Variants in PTPRD observed in about 807,000 individuals in gnomAD.
PTPRD encodes receptor-type tyrosine-protein phosphatase delta.
In PTPRD, 34 loss-of-function variants were observed where a neutral mutation model predicts 214.5. The observed-to-expected ratio is 0.16, with a 90% confidence interval of 0.12 to 0.21. The LOEUF is 0.21. Ranked by LOEUF, PTPRD falls within the 10% of genes least tolerant of loss-of-function variation. PTPRD has a pLI of 1.00. For missense variants in PTPRD, 2,545 were observed against 2,398.7 expected (o/e 1.06, Z -1.27); for synonymous variants, 1,128 against 845.7 (o/e 1.33, Z -5.79).
At chr9:8,946,946 G>A (rs1248499776) in intron 11 of PTPRD, among the ~76,000 whole-genome samples, 1 of 148,444 alleles carries the variant, frequency 6.7e-6, no homozygotes, top group Non-Finnish European at 1.5e-5. Context: ...GTCTGCCTCT[G>A]CATCTCTCTT....
rs1432028763 is a variant in PTPRD at position 10,364,000 on chromosome 9, T to TTTTTTG, written c.-599-22984_-599-22983insCAAAAA. ...GCCTCCACATTTTCGGGTTTTTTTT[T>TTTTTTG]TTTTTTTTTTTTTTTTTGAGATGGA... On this transcript the variant is annotated intron_variant, in intron 2 of 45. Transcript: ENST00000381196. Among the ~76,000 whole-genome samples the TTTTTTG allele has an allele frequency of 1.1e-3, 139 of 128,158 alleles. 11 individuals are homozygous for TTTTTTG. Among genetic ancestry groups the TTTTTTG allele is most frequent in the African/African-American group, 3.9e-3 (125 of 32,452 alleles). The allele number at this position is 128,158 out of a possible 152,430, so 84.1% of individuals were successfully genotyped here.
chr9:8,871,047 C>A (rs1042873976), intron 11 of PTPRD, among the ~76,000 whole-genome samples: 1 of 152,174 alleles, frequency 6.6e-6, no homozygotes, highest in African/African-American at 2.4e-5. Context: ...GTCTTATACT[C>A]TTTAAACCTT....
chr9:10,607,053 G>T (rs1312086484), intron 2 of PTPRD, among the ~76,000 whole-genome samples: 1 of 151,816 alleles, frequency 6.6e-6, no homozygotes, highest in East Asian at 1.9e-4. Flanking sequence ...CATCCCAGTA[G>T]AAAAGACACA....
At chr9:9,407,377 A>C (rs140958497) in intron 8 of PTPRD, among the ~76,000 whole-genome samples, 2 of 151,798 alleles carry the variant, frequency 1.3e-5, no homozygotes, top group South Asian at 4.1e-4. Flanking sequence ...CATGATTATA[A>C]ATAATGGTTC....
At chr9:8,887,165 C>A (rs2098497898) in intron 11 of PTPRD, among the ~76,000 whole-genome samples, 1 of 152,028 alleles carries the variant, frequency 6.6e-6, no homozygotes, top group Non-Finnish European at 1.5e-5. Context: ...GCTTTTGAAC[C>A]CAGGTTTGTC....
chr9:8,496,211 A>ACAAACACAC (rs1554641959), intron 26 of PTPRD, among the ~76,000 whole-genome samples: 14 of 91,450 alleles, frequency 1.5e-4, no homozygotes, highest in African/African-American at 4.7e-4. Context: ...CACACACACA[A>ACAAACACAC]ACACACACAC....
chr9:9,668,268 T>C (rs556675681), intron 7 of PTPRD, among the ~76,000 whole-genome samples: 3 of 152,282 alleles, frequency 2.0e-5, no homozygotes, highest in African/African-American at 7.2e-5. Context: ...AATAACCATC[T>C]GGACCCGACA....
intron 11 of PTPRD, among the ~76,000 whole-genome samples, chr9:8,752,716 C>T (rs2093645175): frequency 6.6e-6 from 1 of 152,014 alleles, no homozygotes; most frequent in Non-Finnish European, 1.5e-5. Flanking sequence ...CTAACTGACC[C>T]ACTGTAGACC....
chr9:9,853,693 T>A (rs113947011), intron 5 of PTPRD, among the ~76,000 whole-genome samples: 8 of 152,024 alleles, frequency 5.3e-5, no homozygotes, highest in African/African-American at 1.7e-4. Flanking sequence ...GGACTACAGG[T>A]GCACAGCACT....
chr9:10,577,112 C>T (rs1298410006), intron 2 of PTPRD, among the ~76,000 whole-genome samples: 1 of 151,722 alleles, frequency 6.6e-6, no homozygotes, highest in Admixed American at 6.6e-5. Context: ...TTTTTTTAAA[C>T]CACTATGCAT....
chr9:9,725,228 G>A lies in PTPRD; in HGVS notation c.-287+9305C>T, dbSNP rs141345206. 1.5e-3 allele frequency among the ~76,000 whole-genome samples: 235 copies of A among 152,070 alleles called. 1 individual carries two copies. Among genetic ancestry groups the A allele is most frequent in the African/African-American group, 5.5e-3 (227 of 41,484 alleles). Reference sequence around the variant, plus strand: ...GGTAAGAGATAACTGAATCATGGGGGCAAGTCTTTCCCATGCTGTTCCCAT... The same window carrying A: ...GGTAAGAGATAACTGAATCATGGGGACAAGTCTTTCCCATGCTGTTCCCAT... On this transcript the variant is annotated intron_variant, in intron 7 of 45. Transcript: ENST00000381196.
chr9:9,298,923 T>C (rs1008057525), intron 9 of PTPRD, among the ~76,000 whole-genome samples: 2 of 151,802 alleles, frequency 1.3e-5, no homozygotes, highest in South Asian at 4.1e-4. Flanking sequence ...ACAATGAGCA[T>C]GAAATAAAAG....
chr9:10,140,744 T>C (rs1351438879), intron 3 of PTPRD, among the ~76,000 whole-genome samples: 1 of 152,120 alleles, frequency 6.6e-6, no homozygotes, highest in Non-Finnish European at 1.5e-5. Context: ...CCCTAACTCA[T>C]TTTATGAGGC....
chr9:10,128,800 A>C (rs1272333783), intron 3 of PTPRD, among the ~76,000 whole-genome samples: 1 of 152,086 alleles, frequency 6.6e-6, no homozygotes, highest in Non-Finnish European at 1.5e-5. Flanking sequence ...GCAAACTTCA[A>C]TTTTTTGAAA....
intron 4 of PTPRD, among the ~76,000 whole-genome samples, chr9:10,010,365 G>A (rs1293225748): frequency 6.9e-6 from 1 of 144,242 alleles, no homozygotes; most frequent in Non-Finnish European, 1.6e-5. Context: ...ATAATTGCCT[G>A]TTTGCCTCTC....
chr9:9,457,243 T>G (rs7856746), intron 8 of PTPRD, among the ~76,000 whole-genome samples: 23,876 of 151,848 alleles, frequency 0.16, 1,960 homozygotes, highest in Middle Eastern at 0.3. Context: ...AAAAATAGAT[T>G]AATATTTGCC....
chr9:8,778,984 T>C (rs2154492573), intron 11 of PTPRD, among the ~76,000 whole-genome samples: 1 of 152,164 alleles, frequency 6.6e-6, no homozygotes, highest in Non-Finnish European at 1.5e-5. Flanking sequence ...CTTTATGATA[T>C]CTTCACTCTA....
chr9:9,616,966 T>C (rs1034832651), intron 7 of PTPRD, among the ~76,000 whole-genome samples: 1 of 152,172 alleles, frequency 6.6e-6, no homozygotes, highest in Non-Finnish European at 1.5e-5. Context: ...TGTTTTCCCT[T>C]TACTCTGTGG....
At chr9:10,344,945 G>T (rs1215652231) in intron 2 of PTPRD, among the ~76,000 whole-genome samples, 1 of 151,928 alleles carries the variant, frequency 6.6e-6, no homozygotes, top group African/African-American at 2.4e-5. Flanking sequence ...CATTTTAGAT[G>T]CTATTATAAA....
Sources: allele counts gnomAD v4.1 joint callset (sites outside exome capture counted in the v4.1 genomes callset), GRCh38; gene constraint gnomAD v4.1.1; transcripts MANE v1.5; gene names NCBI Gene and HGNC (gene_info 2026-07-23, HGNC 2026-07-21).